The following TLE2 variants were observed in gnomAD, a reference collection of about 807,000 sequenced individuals.
TLE2 encodes transducin-like enhancer protein 2.
A neutral mutation model predicts 97.2 loss-of-function variants in TLE2; 74 were observed. The observed-to-expected ratio is 0.76, with a 90% CI of 0.63 to 0.92. TLE2 has a LOEUF of 0.92. Among genes scored for constraint, TLE2 ranks in the 40% least tolerant of loss-of-function variants. The probability of loss-of-function intolerance (pLI) is 0.00; values close to 1 mark genes in which losing one functional copy is unlikely to be tolerated. For missense variants in TLE2, 1,038 were observed against 1,008.7 expected (o/e 1.03, Z -0.39); for synonymous variants, 499 against 432.1 (o/e 1.15, Z -1.92).
chr19:3,014,224 A>G (rs1222616698), intron 10 of TLE2, among the ~76,000 whole-genome samples: 1 of 152,022 alleles, frequency 6.6e-6, no homozygotes, highest in East Asian at 1.9e-4. Context: ...CCGGCCTGTA[A>G]AATGGGTTTA....
upstream of TLE2, among the ~76,000 whole-genome samples, chr19:3,032,941 G>GTT (rs10664438): frequency 0.25 from 36,872 of 146,066 alleles, 4,855 homozygotes; most frequent in Middle Eastern, 0.28. The surrounding 1 kb of genome is among the most constrained non-coding windows in gnomAD (Gnocchi z 4.1). Flanking sequence ...CTTGTTGGTT[G>GTT]TTTTTTTTTT....
intron 1 of TLE2, among the ~76,000 whole-genome samples, chr19:3,045,568 A>G (rs550835729): frequency 6.6e-6 from 1 of 152,032 alleles, no homozygotes; most frequent in South Asian, 2.1e-4. Context: ...TGTAATCCCA[A>G]CACTTTGGGA....
intron 8 of TLE2, among the ~76,000 whole-genome samples, chr19:3,017,294 C>T (rs912196248): frequency 5.3e-5 from 8 of 151,756 alleles, no homozygotes; most frequent in South Asian, 2.1e-4. Context: ...CCCGCCGCCA[C>T]GTTTGGCTAA....
At chr19:3,032,668 G>A (rs948620563), upstream of TLE2, among the ~76,000 whole-genome samples, 1 of 152,246 alleles carries the variant, frequency 6.6e-6, no homozygotes, top group East Asian at 1.9e-4. This position sits in a 1 kb window ranked among gnomAD's most constrained non-coding sequence, Gnocchi z 4.1. Flanking sequence ...CACACAGTAA[G>A]TGCTCAATAA....
chr19:3,005,551 G>T lies in TLE2; in HGVS notation c.1782C>A (p.Cys594Ter). Residue 594 changes from cysteine to a stop codon, truncating the protein, a stop_gained, in exon 17 of 20, where the codon TGC (cysteine) becomes TGA (stop). Transcript: ENST00000262953. LOFTEE classifies it high-confidence loss of function. ...GAGTGCCGTAATCGGAAATATCAAT[G>T]CAGCTGGCGCCGTCCGTGTGGCCCT... ...QFQGHTDGAS[C>*]IDISDYGTRL... The T allele has an allele frequency of 6.2e-7, 1 of 1,613,522 alleles. No individual in the cohort carries two copies. The highest frequency in any genetic ancestry group is 8.5e-7 in the Non-Finnish European group (1 of 1,179,712).
Position 3,009,716 on chromosome 19 carries a change from GT to G in TLE2, c.1013-15del, listed in dbSNP as rs1261026365. On this transcript the variant is annotated splice_polypyrimidine_tract_variant and intron_variant, in intron 12 of 19. Transcript: ENST00000262953. ...GGCTCCTCAGGGCTGAGACGGAAGAGTCGGGGACAGGTTTTGACGCCCTGGA... is the reference window on the plus strand; with the variant it reads ...GGCTCCTCAGGGCTGAGACGGAAGAGCGGGGACAGGTTTTGACGCCCTGGA... 1 of 1,602,276 alleles carries G rather than the reference GT, an allele frequency of 6.2e-7. No individual in the cohort carries two copies. Among genetic ancestry groups the G allele is most frequent in the Non-Finnish European group, 8.5e-7 (1 of 1,175,360 alleles).
rs897197687 is a variant in TLE2, at chr19:3,024,895, G to A, written c.294+125C>T. The A allele has an allele frequency of 3.8e-6, 3 of 790,492 alleles. No individual in the cohort carries two copies. The African/African-American group carries it at 5.2e-5, about 14-fold the overall frequency. The allele number at this position is 790,492 out of a possible 1,614,324, so 49.0% of individuals were successfully genotyped here. On this transcript the variant is annotated intron_variant, in intron 5 of 19. Coordinates refer to ENST00000262953, the MANE Select transcript of TLE2 (RefSeq NM_003260.5). ...GCTGCGGGACTACTGCAGTGAAAAT[G>A]GTCTCTATCCGTGCTGCAGGCTACG...
At chr19:3,018,419 A>T (rs999614347) in intron 7 of TLE2, among the ~76,000 whole-genome samples, 5 of 151,286 alleles carry the variant, frequency 3.3e-5, no homozygotes, top group Non-Finnish European at 7.4e-5. Flanking sequence ...CAGCCTCCCG[A>T]GTAGCTCAGA....
chr19:3,037,278 C>T (rs2090069834), intron 1 of TLE2, among the ~76,000 whole-genome samples: 1 of 152,178 alleles, frequency 6.6e-6, no homozygotes, highest in South Asian at 2.1e-4. Context: ...GAGTGAGACT[C>T]TGTCTCAAAA....
Position 3,037,559 on chromosome 19 carries a change from C to A in TLE2, c.63+8167G>T, listed in dbSNP as rs924309774. ...AGATACCCCCTAGGGTTAGAAGGCCCCTGTGCCTACTTTCGCATGGGTCCT... is the reference window on the plus strand; with the variant it reads ...AGATACCCCCTAGGGTTAGAAGGCCACTGTGCCTACTTTCGCATGGGTCCT... On this transcript the variant is annotated intron_variant, in intron 1 of 18. Transcript: ENST00000426948. Among the ~76,000 whole-genome samples the A allele has an allele frequency of 5.3e-5, 8 of 152,262 alleles. No homozygotes were observed. The East Asian group carries it at 1.4e-3, about 26-fold the overall frequency.
chr19:2,998,008 A>C (rs940047573), intron 19 of TLE2, 53 bp from the exon 20 acceptor site: 18 of 1,362,772 alleles, frequency 1.3e-5, no homozygotes, highest in Non-Finnish European at 1.3e-5. Flanking sequence ...GTCCCCACAG[A>C]TGGGTGTGTG....
Position 3,008,886 on chromosome 19 carries a change from G to T in TLE2, c.1233C>A (p.Ser411Arg). The change falls in exon 14 of 20, where the codon AGC becomes AGA. Residue 411 changes from serine (S) to arginine (R), a missense_variant. Coordinates refer to ENST00000262953, the MANE Select transcript of TLE2 (RefSeq NM_003260.5). ...RGSSVSSSLPSIPGGKPAYSF... is the reference protein window; with the variant it reads ...RGSSVSSSLPRIPGGKPAYSF... ...GTACTCACGGCTTTCCCCCAGGGAT[G>T]CTGGGTAGGGAGGAAGAGACGGATG... The T allele has an allele frequency of 6.3e-7, 1 of 1,590,204 alleles. No homozygotes were observed. Among genetic ancestry groups the T allele is most frequent in the African/African-American group, 1.3e-5 (1 of 74,318 alleles).
At chr19:3,008,207 C>T (rs2089516081) in intron 14 of TLE2, among the ~76,000 whole-genome samples, 1 of 152,200 alleles carries the variant, frequency 6.6e-6, no homozygotes, top group African/African-American at 2.4e-5. Flanking sequence ...AGAACACTTC[C>T]ATCACTGCAG....
intron 1 of TLE2, among the ~76,000 whole-genome samples, chr19:3,041,986 G>T (rs1177960460): frequency 6.6e-6 from 1 of 151,980 alleles, no homozygotes; most frequent in Non-Finnish European, 1.5e-5. Context: ...CTCCTCCCGC[G>T]GTGCTGCGGG....
chr19:3,009,895 C>CT (rs969157929), intron 12 of TLE2, among the ~76,000 whole-genome samples, 193 bp from the exon 13 acceptor site: 6 of 91,170 alleles, frequency 6.6e-5, no homozygotes, highest in East Asian at 3.6e-4. Flanking sequence ...CTCTTTTTTT[C>CT]TTTTGTTTGA....
At chr19:3,012,601 G>A (rs1469142668) in intron 11 of TLE2, among the ~76,000 whole-genome samples, 1 of 152,166 alleles carries the variant, frequency 6.6e-6, no homozygotes, top group Non-Finnish European at 1.5e-5. Flanking sequence ...CATATTCCCA[G>A]GTGAAGGAAG....
rs1029354440 is a variant in TLE2, at chr19:2,997,691, C to G, written c.*157G>C. On this transcript the variant is annotated 3_prime_UTR_variant, in exon 20 of 20. Coordinates refer to ENST00000262953, the MANE Select transcript of TLE2 (RefSeq NM_003260.5). ...CACCGAGGTCCCCTGCCCATCGGCC[C>G]CCACATGCAGCAGGGGAAGGTGTGA... 3.3e-6 allele frequency: 2 copies of G among 599,722 alleles called. No individual in the cohort carries two copies. The highest frequency in any genetic ancestry group is 6.1e-6 in the Non-Finnish European group (2 of 329,772). 37.2% of individuals were successfully genotyped at this position (599,722 alleles called of 1,614,324 possible). A position where few individuals can be genotyped will look rare whatever the true frequency, so the allele number is the denominator to read the frequency against.
At chr19:3,015,596 G>C in intron 9 of TLE2, 57 bp downstream of exon 9, 1 of 1,417,244 alleles carries the variant, frequency 7.1e-7, no homozygotes, top group Non-Finnish European at 9.7e-7. Flanking sequence ...GCTCTGAGGG[G>C]CCAGGCTGGT....
At chr19:3,005,397 C>T in intron 17 of TLE2, 40 bp downstream of exon 17, 1 of 1,606,532 alleles carries the variant, frequency 6.2e-7, no homozygotes, top group African/African-American at 1.3e-5. Context: ...TGCTGTATTC[C>T]TAGAGCTTCC....
Sources: allele counts gnomAD v4.1 joint callset (sites outside exome capture counted in the v4.1 genomes callset), GRCh38; gene constraint gnomAD v4.1.1; non-coding constraint Gnocchi (gnomAD v3.1); transcripts MANE v1.5; gene names NCBI Gene and HGNC (gene_info 2026-07-23, HGNC 2026-07-21).